CGNL1: variants seen among roughly 807,000 people sequenced by gnomAD.
The protein encoded by CGNL1 is cingulin-like protein 1.
Under a neutral mutation model 141.2 loss-of-function variants are expected in CGNL1, and 132 were observed. That is an observed-to-expected ratio of 0.93 (90% confidence interval 0.81 to 1.08). The LOEUF (loss-of-function observed/expected upper bound fraction) is 1.08, where lower values mean the gene tolerates loss of function less well. Ranked by LOEUF, CGNL1 falls within the 50% of genes least tolerant of loss-of-function variation. The pLI, the probability that CGNL1 is intolerant of heterozygous loss-of-function variation, is 0.00. For missense variants in CGNL1, 1,870 were observed against 1,588.6 expected, an observed-to-expected ratio of 1.18 and a Z score of -3.01; for synonymous variants, 690 against 622.1, an observed-to-expected ratio of 1.11 and a Z score of -1.63.
At chr15:57,518,539 T>C in intron 10 of CGNL1, 42 bp downstream of exon 10, 2 of 1,360,354 alleles carry the variant, frequency 1.5e-6, no homozygotes, top group Non-Finnish European at 2.1e-6. Context: ...TCAAGAAGAA[T>C]GCATAGAGAC....
intron 7 of CGNL1, among the ~76,000 whole-genome samples, chr15:57,454,919 A>G (rs189898942): frequency 6.6e-4 from 100 of 152,094 alleles, no homozygotes; most frequent in African/African-American, 2.4e-3. Context: ...GGAGGGGGGG[A>G]CGTACACATA....
At chr15:57,485,173 C>T (rs969703703) in intron 8 of CGNL1, among the ~76,000 whole-genome samples, 9 of 151,908 alleles carry the variant, frequency 5.9e-5, no homozygotes, top group South Asian at 2.1e-4. Context: ...TGCTCTTTGA[C>T]CCATGGATTA....
intron 8 of CGNL1, among the ~76,000 whole-genome samples, chr15:57,468,559 C>CGTGTGTGT (rs67758921): frequency 8.2e-4 from 120 of 145,952 alleles, no homozygotes; most frequent in African/African-American, 2.9e-3. Flanking sequence ...AAAAAGTTTG[C>CGTGTGTGT]GTGTGTGTGT....
At chr15:57,546,926 A>G (rs1160748808) in intron 18 of CGNL1, among the ~76,000 whole-genome samples, 1 of 152,188 alleles carries the variant, frequency 6.6e-6, no homozygotes, top group Non-Finnish European at 1.5e-5. Flanking sequence ...AACAGGGCCT[A>G]TCAGGTCACT....
intron 8 of CGNL1, among the ~76,000 whole-genome samples, chr15:57,504,695 T>C (rs1028551807): frequency 1.3e-5 from 2 of 152,076 alleles, no homozygotes; most frequent in African/African-American, 4.8e-5. Context: ...GAGGAGGATA[T>C]GGTAGATCAT....
Position 57,490,942 on chromosome 15 carries a change from T to A in CGNL1, c.2404-25838T>A, listed in dbSNP as rs186268205. ...TTCCAATTGAGGAACATCCTGCAAATATACCTTGCGCAGTACTCCTCAAAC... is the reference window on the plus strand; with the variant it reads ...TTCCAATTGAGGAACATCCTGCAAAAATACCTTGCGCAGTACTCCTCAAAC... On this transcript the variant is annotated intron_variant, in intron 8 of 18. Transcript: ENST00000281282. Among the ~76,000 whole-genome samples the A allele has an allele frequency of 8.3e-4, 126 of 152,272 alleles. 1 individual carries two copies. The highest frequency in any genetic ancestry group is 3.0e-3 in the African/African-American group (125 of 41,550).
chr15:57,389,823 G>GT (rs202074745), intron 1 of CGNL1, among the ~76,000 whole-genome samples: 3,491 of 150,702 alleles, frequency 0.023, 115 homozygotes, highest in Admixed American at 0.078. Flanking sequence ...TTTTGTTTTT[G>GT]TTTTTTTTTG....
intron 8 of CGNL1, among the ~76,000 whole-genome samples, chr15:57,484,511 GA>G (rs2063763666): frequency 6.6e-6 from 1 of 151,444 alleles, no homozygotes; most frequent in Non-Finnish European, 1.5e-5. Flanking sequence ...CAATCTTACT[GA>G]TTTTTTTTGT....
chr15:57,417,757 A>G (rs573959109), intron 1 of CGNL1, among the ~76,000 whole-genome samples: 13 of 152,324 alleles, frequency 8.5e-5, no homozygotes, highest in East Asian at 1.9e-4. Context: ...CCCTGTTCTC[A>G]TGGATGTTAC....
chr15:57,524,085 C>A (rs1220303787), intron 11 of CGNL1, among the ~76,000 whole-genome samples: 2 of 152,198 alleles, frequency 1.3e-5, no homozygotes, highest in African/African-American at 4.8e-5. Context: ...AGCTGGCAGG[C>A]TTTCTGTATT....
chr15:57,443,801 T>C (rs1392636193), intron 4 of CGNL1, among the ~76,000 whole-genome samples: 1 of 152,198 alleles, frequency 6.6e-6, no homozygotes, highest in African/African-American at 2.4e-5. Context: ...TTCTTGTTTT[T>C]TTGTATACCT....
intron 8 of CGNL1, 111 bp downstream of exon 8, chr15:57,462,003 A>C: frequency 1.3e-5 from 10 of 789,388 alleles, no homozygotes; most frequent in East Asian, 2.6e-5. Context: ...AGTGAATCTC[A>C]ATTCATCAGA....
chr15:57,386,425 G>A (rs1284278047), intron 1 of CGNL1, among the ~76,000 whole-genome samples: 7 of 152,250 alleles, frequency 4.6e-5, no homozygotes, highest in Non-Finnish European at 8.8e-5. Context: ...CATTTTTCAC[G>A]GGATCCGTTT....
Position 57,451,609 on chromosome 15 carries a change from G to T in CGNL1, c.1905+8G>T. 6.3e-7 allele frequency: 1 copy of T among 1,576,848 alleles called. No homozygotes were observed. The highest frequency in any genetic ancestry group is 1.1e-5 in the South Asian group (1 of 88,434). On this transcript the variant is annotated splice_region_variant and intron_variant, in intron 5 of 18. Transcript: ENST00000281282. ...CTTCAACTGGAAGTCAAGGTATCTGGTTTTTCCTTTATGTTATTTTTTCCA... is the reference window on the plus strand; with the variant it reads ...CTTCAACTGGAAGTCAAGGTATCTGTTTTTTCCTTTATGTTATTTTTTCCA...
intron 8 of CGNL1, among the ~76,000 whole-genome samples, chr15:57,504,483 A>C (rs1271706187): frequency 6.6e-6 from 1 of 152,212 alleles, no homozygotes; most frequent in Non-Finnish European, 1.5e-5. Context: ...CTGGATCTGC[A>C]AGTATAATAG....
intron 8 of CGNL1, among the ~76,000 whole-genome samples, chr15:57,475,270 C>A (rs1425536095): frequency 3.9e-5 from 6 of 152,230 alleles, no homozygotes; most frequent in African/African-American, 1.4e-4. Context: ...GCAACCCTGG[C>A]CCTCACTGTT....
chr15:57,395,287 A>G (rs2062590508), intron 1 of CGNL1, among the ~76,000 whole-genome samples: 1 of 152,242 alleles, frequency 6.6e-6, no homozygotes, highest in Admixed American at 6.5e-5. Flanking sequence ...TCAGTTCCCA[A>G]ATGAGTCCTC....
intron 1 of CGNL1, among the ~76,000 whole-genome samples, chr15:57,378,088 A>G (rs1441685155): frequency 6.6e-6 from 1 of 152,218 alleles, no homozygotes; most frequent in African/African-American, 2.4e-5. Flanking sequence ...ATCTGAGATG[A>G]CACCTGAGAC....
chr15:57,416,477 G>T (rs890892614), intron 1 of CGNL1, among the ~76,000 whole-genome samples: 2 of 152,074 alleles, frequency 1.3e-5, no homozygotes. Flanking sequence ...ACTTAAGCCA[G>T]CATCCTCTCC....
Sources: allele counts gnomAD v4.1 joint callset (sites outside exome capture counted in the v4.1 genomes callset), GRCh38; gene constraint gnomAD v4.1.1; transcripts MANE v1.5; gene names NCBI Gene and HGNC (gene_info 2026-07-23, HGNC 2026-07-21).